MYBBP1A: variants seen among roughly 807,000 people sequenced by gnomAD.
MYBBP1A encodes MYB binding protein 1a.
A neutral mutation model predicts 136.3 loss-of-function variants in MYBBP1A; 147 were observed. The ratio of observed to expected loss-of-function variants is 1.08; its 90% CI spans 0.94 to 1.24. MYBBP1A has a LOEUF of 1.24. Among genes scored for constraint, MYBBP1A ranks in the 50% most tolerant of loss-of-function variants. MYBBP1A has a pLI of 0.00. For missense variants in MYBBP1A, 2,060 were observed against 1,727.4 expected, an observed-to-expected ratio of 1.19 and a Z score of -3.41; for synonymous variants, 947 against 735.8, an observed-to-expected ratio of 1.29 and a Z score of -4.65.
chr17:4,555,064 G>C (rs1907908014), intron 1 of MYBBP1A, 63 bp downstream of exon 1: 3 of 1,573,946 alleles, frequency 1.9e-6, no homozygotes, highest in Non-Finnish European at 2.6e-6. Flanking sequence ...TCAACTCCCT[G>C]GGCCCGCCGC....
In MYBBP1A at chr17:4,552,298, G is replaced by T. The variant is rs1236221981; in HGVS notation, c.738-6C>A. 6.2e-7 allele frequency: 1 copy of T among 1,613,846 alleles called. No homozygotes were observed. The highest frequency in any genetic ancestry group is 8.5e-7 in the Non-Finnish European group (1 of 1,179,986). On this transcript the variant is annotated splice_polypyrimidine_tract_variant and splice_region_variant and intron_variant, in intron 6 of 25. Transcript: ENST00000254718. This position sits in a 1 kb window ranked among gnomAD's most constrained non-coding sequence, Gnocchi z 4.7. ...TCTTCAGCACATTCACCAGCCTGCG[G>T]AGGGCAAGGGACTCAGGGAACACTT...
At chr17:4,542,585 A>G in intron 21 of MYBBP1A, 31 bp downstream of exon 21, 2 of 1,613,432 alleles carry the variant, frequency 1.2e-6, no homozygotes, top group East Asian at 2.2e-5. Context: ...AGCAGGGACC[A>G]TGAGGAAGCA....
chr17:4,553,458 G>A (rs1907711871), intron 5 of MYBBP1A, among the ~76,000 whole-genome samples: 2 of 152,236 alleles, frequency 1.3e-5, no homozygotes. Context: ...CAGCCACACA[G>A]GGCTGCTGAG....
At position 4,552,180 on chromosome 17, in the gene MYBBP1A, A is replaced by G; in HGVS notation, c.850T>C (p.Phe284Leu). The G allele has an allele frequency of 6.2e-7, 1 of 1,614,190 alleles. No homozygotes were observed. The highest frequency in any genetic ancestry group is 8.5e-7 in the Non-Finnish European group (1 of 1,180,034). The change falls in exon 7 of 26, where the codon TTC (phenylalanine) becomes CTC (leucine). Residue 284 changes from phenylalanine to leucine, a missense_variant. Transcript: ENST00000254718. This position sits in a 1 kb window ranked among gnomAD's most constrained non-coding sequence, Gnocchi z 4.7. ...LALKEDKFPR[F>L]WKEVVEQGLL... is the part of the protein sequence containing the mutation. The stretch of plus-strand genomic sequence containing the variant: ...CCTTGTTCCACCACCTCCTTCCAGA[A>G]CCGTGGGAACTTGTCTTCCTTGAGT...
chr17:4,543,939 T>C (rs1906708948), intron 19 of MYBBP1A, among the ~76,000 whole-genome samples: 1 of 152,110 alleles, frequency 6.6e-6, no homozygotes, highest in African/African-American at 2.4e-5. Context: ...CCAGCACCGC[T>C]AGGGTCAGGG....
rs1424868341 is a variant in MYBBP1A, at chr17:4,549,920, G to A, written c.1319+138C>T. 5 of 903,600 alleles carry A rather than the reference G, an allele frequency of 5.5e-6. No individual in the cohort carries two copies. The African/African-American group carries it at 8.3e-5, about 15-fold the overall frequency. 56.0% of individuals were successfully genotyped at this position (903,600 alleles called of 1,614,324 possible). A position where few individuals can be genotyped will look rare whatever the true frequency, so the allele number is the denominator to read the frequency against. The stretch of plus-strand genomic sequence containing the variant: ...ACACAAGTAAACTGAGGCCTCATAT[G>A]AGAGCTAAGGCTCTTCCCCCTCGCT... On this transcript the variant is annotated intron_variant, in intron 9 of 25. Transcript: ENST00000254718.
intron 1 of MYBBP1A, 40 bp from the exon 2 acceptor site, chr17:4,554,996 C>T (rs753329548): frequency 1.2e-6 from 2 of 1,610,654 alleles, no homozygotes; most frequent in South Asian, 2.2e-5. Context: ...ATGGTGACAA[C>T]AAGGTGCACG....
intron 4 of MYBBP1A, 28 bp downstream of exon 4, chr17:4,553,991 A>G (rs757734610): frequency 6.2e-7 from 1 of 1,613,982 alleles, no homozygotes; most frequent in Non-Finnish European, 8.5e-7. Context: ...GCCAGCCTAC[A>G]TTCCCCCAGT....
rs370984190 is a variant in MYBBP1A, at chr17:4,539,405, G to A, written c.*10C>T. The A allele has an allele frequency of 3.4e-5, 54 of 1,599,560 alleles. No homozygotes were observed. The highest frequency in any genetic ancestry group is 1.7e-4 in the Middle Eastern group (1 of 5,982). ...TGGAGGCAGGGGCTGAGGGGGGCCC[G>A]TACCTGTGCTCAGGGCTTCCCTGCC... On this transcript the variant is annotated 3_prime_UTR_variant, in exon 26 of 26. Coordinates refer to ENST00000254718, the MANE Select transcript of MYBBP1A (RefSeq NM_014520.4).
In MYBBP1A at chr17:4,554,937, G is replaced by A; in HGVS notation, c.218C>T (p.Ala73Val). The A allele has an allele frequency of 6.2e-7, 1 of 1,613,530 alleles. No individual in the cohort carries two copies. The highest frequency in any genetic ancestry group is 1.1e-5 in the South Asian group (1 of 91,074). ...GAGTCCCGTGATTAGACGCTTCAGG[G>A]CATATTTCATCTCGGACCCCTGCGG... The part of the protein sequence containing the change: ...GRPKGSEMKY[A>V]LKRLITGLGV... The change falls in exon 2 of 26, where the codon GCC (alanine) becomes GTC (valine). Residue 73 changes from alanine (A) to valine (V), a missense_variant. Physicochemically the swap from Ala to Val is moderately conservative, Grantham distance 64. Coordinates refer to ENST00000254718, the MANE Select transcript of MYBBP1A (RefSeq NM_014520.4).
intron 19 of MYBBP1A, 44 bp downstream of exon 19, chr17:4,544,445 G>C (rs1382708859): frequency 6.5e-7 from 1 of 1,539,938 alleles, no homozygotes; most frequent in Non-Finnish European, 8.7e-7. Context: ...CCTGCGCCTG[G>C]GGGCTGCCGG....
rs775343589 is a variant in MYBBP1A at position 4,545,118 on chromosome 17, C to T, written c.2218G>A (p.Gly740Arg). The T allele has an allele frequency of 2.5e-6, 4 of 1,610,986 alleles. No homozygotes were observed. In the South Asian group the frequency reaches 4.4e-5, roughly 18 times the overall value. Residue 740 changes from glycine (G) to arginine (R), a missense_variant, in exon 17 of 26, where the codon GGG (glycine) becomes AGG (arginine). Transcript: ENST00000254718. Reference sequence around the variant, plus strand: ...CGCTCCTCCTCCTCGCTCTCCTCCCCCTCGCTCTCCTCTTCACTCTCTGAG... The same window carrying T: ...CGCTCCTCCTCCTCGCTCTCCTCCCTCTCGCTCTCCTCTTCACTCTCTGAG... ...RSSESEEESE[G>R]EESEEEERDG...
intron 10 of MYBBP1A, among the ~76,000 whole-genome samples, 190 bp downstream of exon 10, chr17:4,549,142 C>T (rs1907278232): frequency 6.6e-6 from 1 of 152,240 alleles, no homozygotes; most frequent in Non-Finnish European, 1.5e-5. Context: ...GCCCCTGCAG[C>T]TGGGGTGCCT....
At position 4,548,762 on chromosome 17, in the gene MYBBP1A, T is replaced by G. The variant is rs1907235364; in HGVS notation, c.1431-113A>C. On this transcript the variant is annotated intron_variant, in intron 10 of 25. Transcript: ENST00000254718. The surrounding 1 kb of genome is among the most constrained non-coding windows in gnomAD (Gnocchi z 4.2). ...AGGCCAGGAGGAGGAGGAGCCGCCC[T>G]TCTGCCCTGGGTACAGTCCTCGGGG... 3.4e-6 allele frequency: 5 copies of G among 1,456,264 alleles called. No individual in the cohort carries two copies. The highest frequency in any genetic ancestry group is 4.4e-4 in the Middle Eastern group (2 of 4,536). The allele number at this position is 1,456,264 out of a possible 1,614,324, so 90.2% of individuals were successfully genotyped here.
chr17:4,547,363 A>G (rs1907099477), intron 13 of MYBBP1A, among the ~76,000 whole-genome samples: 1 of 152,180 alleles, frequency 6.6e-6, no homozygotes, highest in African/African-American at 2.4e-5. Flanking sequence ...AAGAATTGGA[A>G]GGGGCATCGT....
chr17:4,545,548 T>TGGTGCAGCTCCAGG, intron 15 of MYBBP1A, 62 bp downstream of exon 15: 1 of 1,529,696 alleles, frequency 6.5e-7, no homozygotes, highest in South Asian at 1.3e-5. Context: ...GCGGCACCCC[T>TGGTGCAGCTCCAGG]GGTGCAGCTC....
At position 4,548,843 on chromosome 17, in the gene MYBBP1A, T is replaced by C. The variant is rs971124543; in HGVS notation, c.1431-194A>G. Among the ~76,000 whole-genome samples, 1 of 152,206 alleles carries C rather than the reference T, an allele frequency of 6.6e-6. No homozygotes were observed. Among genetic ancestry groups the C allele is most frequent in the Admixed American group, 6.5e-5 (1 of 15,286 alleles). ...CTGGGCTAGGATGGGAAGGGGCCGT[T>C]TCTCTGCTCTGGATCCCCAGCTGAA... On this transcript the variant is annotated intron_variant, in intron 10 of 25. Transcript: ENST00000254718. The surrounding 1 kb of genome is among the most constrained non-coding windows in gnomAD (Gnocchi z 4.2).
At position 4,541,895 on chromosome 17, in the gene MYBBP1A, T is replaced by TGGGTGGGCAA; in HGVS notation, c.3088-14_3088-5dup. ...TCTTCTGGAGCAGCAGGCAGGCCTG[T>TGGGTGGGCAA]GGGTGGGCAAAGGTGGGTGGCAGGA... On this transcript the variant is annotated splice_region_variant and splice_polypyrimidine_tract_variant and intron_variant, in intron 22 of 25. Transcript: ENST00000254718. The TGGGTGGGCAA allele has an allele frequency of 2.5e-6, 4 of 1,612,090 alleles. No homozygotes were observed. Among genetic ancestry groups the TGGGTGGGCAA allele is most frequent in the African/African-American group, 1.3e-5 (1 of 75,006 alleles).
chr17:4,544,718 G>C (rs1282546395), intron 18 of MYBBP1A, 33 bp downstream of exon 18: 1 of 1,496,068 alleles, frequency 6.7e-7, no homozygotes, highest in Non-Finnish European at 9.0e-7. Flanking sequence ...GCACAGGGAG[G>C]CGGGGGTGGG....
Sources: gnomAD v4.1 joint callset for allele counts (sites outside exome capture counted in the v4.1 genomes callset) on GRCh38, gnomAD v4.1.1 for gene constraint, Gnocchi (gnomAD v3.1) non-coding constraint, MANE v1.5 for transcripts, NCBI Gene and HGNC (gene_info 2026-07-23, HGNC 2026-07-21) for gene names.